Variants in NAALADL2 observed in about 807,000 individuals in gnomAD.
The protein encoded by NAALADL2 is inactive N-acetylated-alpha-linked acidic dipeptidase-like protein 2.
NAALADL2 carries 76 observed loss-of-function variants against 87.2 expected under a neutral mutation model. That is an observed-to-expected ratio of 0.87 (90% CI 0.72 to 1.05). NAALADL2 has a LOEUF of 1.05. Ranked by LOEUF, NAALADL2 falls within the 50% of genes least tolerant of loss-of-function variation. The pLI, the probability that NAALADL2 is intolerant of heterozygous loss-of-function variation, is 0.00. For missense variants in NAALADL2, 1,089 were observed against 945.8 expected (o/e 1.15, Z -1.99); for synonymous variants, 354 against 331.0 (o/e 1.07, Z -0.75).
intron 1 of NAALADL2, among the ~76,000 whole-genome samples, chr3:174,932,647 G>C (rs2861935): frequency 1.3e-5 from 2 of 151,892 alleles, no homozygotes; most frequent in Non-Finnish European, 2.9e-5. Context: ...TAGATGCTCC[G>C]TTGCAATGGT....
chr3:175,588,461 TAAAG>T (rs1370127584), intron 10 of NAALADL2, among the ~76,000 whole-genome samples: 2 of 151,512 alleles, frequency 1.3e-5, no homozygotes, highest in East Asian at 3.9e-4. Flanking sequence ...AATCTTCAGT[TAAAG>T]AAACACAGTA....
chr3:174,963,522 C>T (rs533914143), intron 1 of NAALADL2, among the ~76,000 whole-genome samples: 1 of 152,230 alleles, frequency 6.6e-6, no homozygotes, highest in South Asian at 2.1e-4. Context: ...TTTAGAAATA[C>T]TGTGACTCTG....
chr3:175,618,662 A>T (rs757192366), intron 10 of NAALADL2, among the ~76,000 whole-genome samples: 4 of 152,120 alleles, frequency 2.6e-5, no homozygotes, highest in Non-Finnish European at 5.9e-5. Context: ...GGAGTGACAC[A>T]GGATGGAGGG....
At chr3:175,380,023 G>A (rs1199816880) in intron 5 of NAALADL2, among the ~76,000 whole-genome samples, 5 of 151,996 alleles carry the variant, frequency 3.3e-5, no homozygotes, top group Admixed American at 6.6e-5. Flanking sequence ...CACAGGAAGG[G>A]GAACATCACA....
At chr3:175,719,802 G>A (rs1489132398) in intron 11 of NAALADL2, among the ~76,000 whole-genome samples, 1 of 152,208 alleles carries the variant, frequency 6.6e-6, no homozygotes, top group Non-Finnish European at 1.5e-5. Flanking sequence ...TGTCTCACAG[G>A]TATGGAGGCT....
rs545779186 is a variant in NAALADL2 at position 175,017,090 on chromosome 3, CTA to C, written c.44-79699_44-79698del. ...TATTTTAGTTGACAATGCAATACAA[CTA>C]GTTACCCATAGAATGGGTGTGGTAG... On this transcript the variant is annotated intron_variant, in intron 1 of 13. Transcript: ENST00000454872. Among the ~76,000 whole-genome samples, 23 of 151,986 alleles carry C rather than the reference CTA, an allele frequency of 1.5e-4. No homozygotes were observed. In the East Asian group the frequency reaches 4.5e-3, roughly 29 times the overall value.
chr3:174,546,507 A>C (rs1560045502), intron 1 of NAALADL2, among the ~76,000 whole-genome samples: 2 of 146,750 alleles, frequency 1.4e-5, no homozygotes, highest in African/African-American at 2.5e-5. Flanking sequence ...CACTTGCTGA[A>C]CCCCCCCAGG....
At chr3:174,446,210 C>A (rs1715037700) in intron 1 of NAALADL2, among the ~76,000 whole-genome samples, 1 of 152,096 alleles carries the variant, frequency 6.6e-6, no homozygotes. Context: ...TACCAAGGTA[C>A]AATTTGATAG....
chr3:175,005,382 C>T (rs1748877738), intron 1 of NAALADL2, among the ~76,000 whole-genome samples: 1 of 152,164 alleles, frequency 6.6e-6, no homozygotes, highest in Non-Finnish European at 1.5e-5. Flanking sequence ...TTCCTTCATA[C>T]TGCTGACTAC....
intron 1 of NAALADL2, among the ~76,000 whole-genome samples, chr3:174,967,222 T>C (rs962555328): frequency 6.6e-6 from 1 of 152,092 alleles, no homozygotes; most frequent in African/African-American, 2.4e-5. Context: ...TCTACTGAGA[T>C]AGAGTTATTT....
intron 1 of NAALADL2, among the ~76,000 whole-genome samples, chr3:174,521,260 C>T (rs1406735626): frequency 2.0e-5 from 3 of 152,146 alleles, no homozygotes; most frequent in Non-Finnish European, 2.9e-5. Context: ...ACCTAAGTGT[C>T]CATCAACAGT....
At position 174,938,179 on chromosome 3, in the gene NAALADL2, C is replaced by T. The variant is rs546995852; in HGVS notation, c.43+78729C>T. On this transcript the variant is annotated intron_variant, in intron 1 of 13. Transcript: ENST00000454872. ...TTTCTGCTCCTCTCCTTCCTCCCAC[C>T]CTGCACTCTCAACTAGACCCCAGTG... Among the ~76,000 whole-genome samples, 18 of 152,094 alleles carry T rather than the reference C, an allele frequency of 1.2e-4. 1 individual carries two copies. Among genetic ancestry groups the T allele is most frequent in the Non-Finnish European group, 7.4e-5 (5 of 67,940 alleles).
intron 3 of NAALADL2, among the ~76,000 whole-genome samples, chr3:174,747,733 A>T (rs1317176368): frequency 1.3e-5 from 2 of 152,004 alleles, no homozygotes; most frequent in Non-Finnish European, 2.9e-5. Flanking sequence ...TAGTTCAACG[A>T]TTGTGGAAGA....
At chr3:174,672,125 C>T (rs1306412188) in intron 2 of NAALADL2, among the ~76,000 whole-genome samples, 1 of 152,036 alleles carries the variant, frequency 6.6e-6, no homozygotes. Context: ...ATTCACATTT[C>T]CTCTGCCCTT....
intron 9 of NAALADL2, among the ~76,000 whole-genome samples, chr3:175,506,220 G>A (rs999490367): frequency 2.0e-5 from 3 of 152,102 alleles, no homozygotes; most frequent in African/African-American, 7.2e-5. Flanking sequence ...GTGGTGCTTC[G>A]GCAGAACTGC....
intron 5 of NAALADL2, among the ~76,000 whole-genome samples, chr3:175,441,131 T>C (rs111703360): frequency 9.9e-5 from 15 of 152,124 alleles, no homozygotes; most frequent in African/African-American, 3.1e-4. Flanking sequence ...CCATTGGCTC[T>C]CCATATCCAG....
chr3:174,497,409 G>A (rs997001568), intron 1 of NAALADL2, among the ~76,000 whole-genome samples: 6 of 151,840 alleles, frequency 4.0e-5, no homozygotes, highest in Non-Finnish European at 7.4e-5. Flanking sequence ...TAAACTCCTG[G>A]CTTGAACCCA....
intron 2 of NAALADL2, among the ~76,000 whole-genome samples, chr3:174,654,985 T>A (rs1724763678): frequency 6.6e-6 from 1 of 152,174 alleles, no homozygotes; most frequent in Non-Finnish European, 1.5e-5. Flanking sequence ...TCTGCCCTCC[T>A]TGGCTTCCCA....
intron 2 of NAALADL2, among the ~76,000 whole-genome samples, chr3:175,135,498 T>C (rs1728977519): frequency 6.6e-6 from 1 of 152,138 alleles, no homozygotes; most frequent in Non-Finnish European, 1.5e-5. Flanking sequence ...TAGTAGGATT[T>C]TTTGCTGGCT....
Sources: allele counts gnomAD v4.1 joint callset (sites outside exome capture counted in the v4.1 genomes callset), GRCh38; gene constraint gnomAD v4.1.1; transcripts MANE v1.5; gene names NCBI Gene and HGNC (gene_info 2026-07-23, HGNC 2026-07-21).